The following TNPO1 variants were observed in gnomAD, a reference collection of about 807,000 sequenced individuals.
TNPO1 encodes the protein transportin-1.
TNPO1 carries 8 observed loss-of-function variants against 119.5 expected under a neutral mutation model. The observed-to-expected ratio is 0.07, with a 90% CI of 0.04 to 0.12. The LOEUF (loss-of-function observed/expected upper bound fraction) is 0.12, where lower values mean the gene tolerates loss of function less well. Among genes scored for constraint, TNPO1 ranks in the 10% least tolerant of loss-of-function variants. TNPO1 has a pLI of 1.00. For missense variants in TNPO1, 576 were observed against 1,089.8 expected (o/e 0.53, Z 6.64); for synonymous variants, 362 against 363.0 (o/e 1.00, Z 0.03).
intron 6 of TNPO1, among the ~76,000 whole-genome samples, chr5:72,866,105 A>C (rs1746875502): frequency 6.6e-6 from 1 of 152,176 alleles, no homozygotes; most frequent in African/African-American, 2.4e-5. Flanking sequence ...TTTGTTACAA[A>C]GGCGTATTGC....
At chr5:72,900,832 C>T (rs571598748) in intron 21 of TNPO1, 142 bp from the exon 22 acceptor site, 61 of 466,182 alleles carry the variant, frequency 1.3e-4, no homozygotes, top group African/African-American at 1.0e-3. Flanking sequence ...TATGAGTAAA[C>T]GAAACTAAAG....
intron 13 of TNPO1, 47 bp from the exon 14 acceptor site, chr5:72,889,739 A>T (rs1162132572): frequency 1.3e-6 from 2 of 1,528,206 alleles, no homozygotes; most frequent in Middle Eastern, 1.8e-4. Flanking sequence ...TAAGAGTTAG[A>T]TATATCTTAC....
rs1316962781 is a variant in TNPO1, at chr5:72,883,239, CAGAA to C, written c.1150+10_1150+13del. The C allele has an allele frequency of 9.4e-6, 13 of 1,378,192 alleles. No individual in the cohort carries two copies. The Middle Eastern group carries it at 1.9e-3, about 205-fold the overall frequency. 85.4% of individuals were successfully genotyped at this position (1,378,192 alleles called of 1,614,324 possible). ...ATTTCTGACTGGAATCTAAGTAAGT[CAGAA>C]AGGGAAAAGCACAGTTGCCTACTTT... On this transcript the variant is annotated splice_region_variant and intron_variant, in intron 11 of 24. Coordinates refer to ENST00000337273, the MANE Select transcript of TNPO1 (RefSeq NM_002270.4).
chr5:72,827,226 G>T (rs1242717009), intron 1 of TNPO1, among the ~76,000 whole-genome samples: 4 of 152,120 alleles, frequency 2.6e-5, no homozygotes. Flanking sequence ...AGTGAAAAAG[G>T]GGACAGAGAC....
At chr5:72,844,848 CTT>C (rs1180254521) in intron 1 of TNPO1, among the ~76,000 whole-genome samples, 1 of 152,196 alleles carries the variant, frequency 6.6e-6, no homozygotes. Context: ...TATATTTTTA[CTT>C]TCTCTTCAGC....
chr5:72,905,332 C>T lies in TNPO1; in HGVS notation c.2619C>T (p.Gly873=), dbSNP rs757982142. The change falls in exon 24 of 25, where the codon GGC becomes GGT. Residue 873 remains glycine, a synonymous_variant. Coordinates refer to ENST00000337273, the MANE Select transcript of TNPO1 (RefSeq NM_002270.4). ...KILHGFKNQV[G]DENWRRFSDQ... ...TTCATGGATTTAAAAATCAAGTTGGCGATGAAAATTGGAGGCGTTTCTCTG... is the reference window on the plus strand; with the variant it reads ...TTCATGGATTTAAAAATCAAGTTGGTGATGAAAATTGGAGGCGTTTCTCTG... The T allele has an allele frequency of 2.2e-5, 36 of 1,610,606 alleles. No individual in the cohort carries two copies. Among genetic ancestry groups the T allele is most frequent in the Admixed American group, 1.8e-4 (11 of 59,730 alleles).
intron 1 of TNPO1, among the ~76,000 whole-genome samples, chr5:72,830,835 AGAATCAGTTTGCCATAATG>A (rs1744424097): frequency 6.6e-6 from 1 of 152,132 alleles, no homozygotes; most frequent in Admixed American, 6.5e-5. Context: ...TTTTTTTCTA[AGAATCAGTTTGCCATAATG>A]GAAATAGTAT....
intron 5 of TNPO1, among the ~76,000 whole-genome samples, chr5:72,863,668 G>A (rs1317954035): frequency 3.3e-5 from 5 of 151,564 alleles, no homozygotes; most frequent in Admixed American, 2.0e-4. Flanking sequence ...GGCTGAGGCA[G>A]GAGAATTGCT....
intron 2 of TNPO1, among the ~76,000 whole-genome samples, chr5:72,849,768 G>A (rs1352306963): frequency 6.6e-6 from 1 of 152,116 alleles, no homozygotes; most frequent in Non-Finnish European, 1.5e-5. Flanking sequence ...TTTGTATCTT[G>A]TAAACAGTGC....
intron 20 of TNPO1, among the ~76,000 whole-genome samples, chr5:72,899,630 G>T (rs1306188786): frequency 2.0e-5 from 3 of 151,940 alleles, no homozygotes; most frequent in African/African-American, 4.8e-5. Flanking sequence ...TGAAATTTTG[G>T]CTGGCTTTTG....
At chr5:72,901,993 T>G (rs1749829360) in intron 22 of TNPO1, among the ~76,000 whole-genome samples, 1 of 151,778 alleles carries the variant, frequency 6.6e-6, no homozygotes. Flanking sequence ...GAGAATTGCT[T>G]GAACCCGGGA....
chr5:72,886,901 A>C (rs1191090485), intron 11 of TNPO1, among the ~76,000 whole-genome samples, 169 bp from the exon 12 acceptor site: 2 of 151,598 alleles, frequency 1.3e-5, no homozygotes, highest in Non-Finnish European at 2.9e-5. Context: ...AAAAAAAAAA[A>C]AAAAAAAAAA....
At position 72,903,693 on chromosome 5, in the gene TNPO1, T is replaced by C. The variant is rs1749946609; in HGVS notation, c.2515-16T>C. 1 of 1,581,250 alleles carries C rather than the reference T, an allele frequency of 6.3e-7. No individual in the cohort carries two copies. Among genetic ancestry groups the C allele is most frequent in the Admixed American group, 1.7e-5 (1 of 57,650 alleles). On this transcript the variant is annotated splice_polypyrimidine_tract_variant and intron_variant, in intron 22 of 24. Coordinates refer to ENST00000337273, the MANE Select transcript of TNPO1 (RefSeq NM_002270.4). The stretch of plus-strand genomic sequence containing the variant: ...AATACAATATCAACCTAAGATGTAT[T>C]TCTTGCTTGTTACAGGATTTTATAT...
intron 1 of TNPO1, among the ~76,000 whole-genome samples, chr5:72,818,794 A>G (rs1052313694): frequency 6.6e-6 from 1 of 152,240 alleles, no homozygotes; most frequent in Admixed American, 6.5e-5. Context: ...GAGAGAATCA[A>G]AGAAACTGAT....
chr5:72,887,432 A>G (rs948968555), intron 12 of TNPO1, among the ~76,000 whole-genome samples: 1 of 152,156 alleles, frequency 6.6e-6, no homozygotes, highest in Non-Finnish European at 1.5e-5. Context: ...GCTCACGCCT[A>G]TAATCTCAGC....
chr5:72,905,562 A>G, intron 24 of TNPO1, 117 bp downstream of exon 24: 1 of 526,350 alleles, frequency 1.9e-6, no homozygotes, highest in South Asian at 2.8e-5. Flanking sequence ...TGAATAAAAC[A>G]TAGCCTCATA....
In TNPO1 at chr5:72,855,872, G is replaced by C; in HGVS notation, c.304G>C (p.Glu102Gln). 6.2e-7 allele frequency: 1 copy of C among 1,613,270 alleles called. No homozygotes were observed. The highest frequency in any genetic ancestry group is 8.5e-7 in the Non-Finnish European group (1 of 1,179,534). The change falls in exon 4 of 25, where the codon GAA becomes CAA. Residue 102 changes from glutamate to glutamine, a missense_variant. By Grantham distance (29) the Glu-to-Gln change is conservative. Transcript: ENST00000337273. Reference sequence around the variant, plus strand: ...TGGTGTAACAGACTTTATTAAAAGTGAATGTTTAAATAATATTGGTGACTC... The same window carrying C: ...TGGTGTAACAGACTTTATTAAAAGTCAATGTTTAAATAATATTGGTGACTC... ...PNGVTDFIKS[E>Q]CLNNIGDSSP...
intron 6 of TNPO1, among the ~76,000 whole-genome samples, chr5:72,868,580 GT>G (rs1747133800): frequency 6.6e-6 from 1 of 151,360 alleles, no homozygotes; most frequent in Non-Finnish European, 1.5e-5. Context: ...CTCCCCATCA[GT>G]TTAAAATGTC....
At position 72,834,299 on chromosome 5, in the gene TNPO1, A is replaced by T. The variant is rs575091788; in HGVS notation, c.16-14086A>T. 2.6e-5 allele frequency among the ~76,000 whole-genome samples: 4 copies of T among 152,318 alleles called. No homozygotes were observed. In the South Asian group the frequency reaches 6.2e-4, roughly 24 times the overall value. The stretch of plus-strand genomic sequence containing the variant: ...TTTAGTGTACTTCTACTTATTTTTT[A>T]AAAAGTCCACTGTAAAACCACCTCA... On this transcript the variant is annotated intron_variant, in intron 1 of 24. Transcript: ENST00000337273.
Sources: allele counts gnomAD v4.1 joint callset (sites outside exome capture counted in the v4.1 genomes callset), GRCh38; gene constraint gnomAD v4.1.1; transcripts MANE v1.5; gene names NCBI Gene and HGNC (gene_info 2026-07-23, HGNC 2026-07-21).